KATNIP: variants seen among roughly 807,000 people sequenced by gnomAD.
The protein encoded by KATNIP is katanin-interacting protein.
In KATNIP, 126 loss-of-function variants were observed where a neutral mutation model predicts 174.0. The ratio of observed to expected loss-of-function variants is 0.72; its 90% CI spans 0.63 to 0.84. The LOEUF (loss-of-function observed/expected upper bound fraction) is 0.84, where lower values mean the gene tolerates loss of function less well. Among genes scored for constraint, KATNIP ranks in the 40% least tolerant of loss-of-function variants. KATNIP has a pLI of 0.00. For synonymous variants in KATNIP, 810 were observed against 835.7 expected (o/e 0.97, Z 0.53); for missense variants, 1,958 against 2,109.7 (o/e 0.93, Z 1.41).
intron 18 of KATNIP, chr16:27,755,365 T>A (rs2081680495): frequency 6.6e-6 from 1 of 152,280 alleles, no homozygotes; most frequent in African/African-American, 2.4e-5. Flanking sequence ...TGTCGCTGGC[T>A]AGGTTCCCTA....
At chr16:27,633,515 C>T (rs1439123698) in intron 5 of KATNIP, among the ~76,000 whole-genome samples, 1 of 150,312 alleles carries the variant, frequency 6.7e-6, no homozygotes, top group African/African-American at 2.5e-5. Context: ...TAGTCTTGAA[C>T]TTCTGGCCTC....
chr16:27,712,724 TGC>T (rs2079629851), intron 13 of KATNIP, among the ~76,000 whole-genome samples: 1 of 152,218 alleles, frequency 6.6e-6, no homozygotes. Flanking sequence ...CAGCCCTGCC[TGC>T]CCCTCTGAGT....
chr16:27,681,338 G>C (rs2078330377), intron 7 of KATNIP, 61 bp from the exon 8 acceptor site: 3 of 1,600,510 alleles, frequency 1.9e-6, no homozygotes, highest in East Asian at 4.5e-5. Flanking sequence ...ACAAATGCCT[G>C]AACAGAATGC....
intron 2 of KATNIP, among the ~76,000 whole-genome samples, chr16:27,578,311 C>T (rs1018223970): frequency 2.0e-5 from 3 of 152,042 alleles, no homozygotes; most frequent in Non-Finnish European, 4.4e-5. Flanking sequence ...CCAACCTAGG[C>T]GACAGAGTGA....
intron 12 of KATNIP, chr16:27,708,383 C>T: frequency 4.0e-6 from 1 of 251,134 alleles, no homozygotes; most frequent in African/African-American, 2.2e-5. Context: ...GTACCGAACA[C>T]TGAGTAGTGG....
chr16:27,735,427 G>A (rs2080863021), intron 14 of KATNIP, among the ~76,000 whole-genome samples: 1 of 152,186 alleles, frequency 6.6e-6, no homozygotes, highest in South Asian at 2.1e-4. Context: ...CTCTTTAAAG[G>A]AAGGTGTTTC....
intron 2 of KATNIP, among the ~76,000 whole-genome samples, chr16:27,589,326 A>G (rs2075098874): frequency 6.6e-6 from 1 of 152,212 alleles, no homozygotes; most frequent in African/African-American, 2.4e-5. Context: ...ATCAGGTAAT[A>G]AATACTTCAG....
chr16:27,607,225 A>G (rs2075736281), intron 2 of KATNIP, among the ~76,000 whole-genome samples: 1 of 152,194 alleles, frequency 6.6e-6, no homozygotes. Flanking sequence ...GAGGAAAATC[A>G]AGGTGTTATA....
At chr16:27,721,108 G>A (rs1397607537) in intron 13 of KATNIP, among the ~76,000 whole-genome samples, 6 of 152,156 alleles carry the variant, frequency 3.9e-5, no homozygotes, top group Non-Finnish European at 8.8e-5. Flanking sequence ...TGAGCTAGTA[G>A]CTTTCTTTCT....
intron 6 of KATNIP, among the ~76,000 whole-genome samples, chr16:27,655,677 G>A (rs969757760): frequency 6.6e-6 from 1 of 152,100 alleles, no homozygotes; most frequent in African/African-American, 2.4e-5. Context: ...CCATCACGAC[G>A]TTAACCCTGT....
At chr16:27,651,219 A>G (rs968258116) in intron 6 of KATNIP, among the ~76,000 whole-genome samples, 3 of 152,226 alleles carry the variant, frequency 2.0e-5, no homozygotes, top group Non-Finnish European at 4.4e-5. Flanking sequence ...CCGCATAGGC[A>G]TGGCTGCTGC....
chr16:27,715,165 A>G (rs146576442), intron 13 of KATNIP, among the ~76,000 whole-genome samples: 1 of 152,384 alleles, frequency 6.6e-6, no homozygotes, highest in African/African-American at 2.4e-5. Context: ...GATTCCAACA[A>G]GGATACCACA....
intron 4 of KATNIP, among the ~76,000 whole-genome samples, chr16:27,629,456 T>G (rs958450017): frequency 6.6e-6 from 1 of 152,258 alleles, no homozygotes; most frequent in Non-Finnish European, 1.5e-5. Context: ...GTTTTAACTT[T>G]AGTACCTAAC....
chr16:27,610,912 G>A (rs1351662865), intron 2 of KATNIP, among the ~76,000 whole-genome samples: 1 of 152,174 alleles, frequency 6.6e-6, no homozygotes. Flanking sequence ...TTATCTACCT[G>A]TGACCTGGAA....
chr16:27,671,283 A>G (rs1041925334), intron 6 of KATNIP, among the ~76,000 whole-genome samples: 1 of 152,216 alleles, frequency 6.6e-6, no homozygotes, highest in Non-Finnish European at 1.5e-5. Context: ...GAAATTAACA[A>G]TGATTTTAAA....
Position 27,766,394 on chromosome 16 carries a change from A to T in KATNIP, c.3895A>T (p.Ile1299Phe). 6.2e-7 allele frequency: 1 copy of T among 1,614,134 alleles called. No individual in the cohort carries two copies. Among genetic ancestry groups the T allele is most frequent in the Non-Finnish European group, 8.5e-7 (1 of 1,180,030 alleles). Residue 1299 changes from isoleucine to phenylalanine, a missense_variant, in exon 20 of 28, where the codon ATC becomes TTC. Transcript: ENST00000261588. Reference sequence around the variant, plus strand: ...GCCGGGGCTGGACCATGTGGTCACGATCCGCCTGGACAGGGCCGAAAGCAT... The same window carrying T: ...GCCGGGGCTGGACCATGTGGTCACGTTCCGCCTGGACAGGGCCGAAAGCAT... ...FSPGLDHVVT[I>F]RLDRAESIAG...
At chr16:27,633,651 A>C (rs1287032258) in intron 5 of KATNIP, among the ~76,000 whole-genome samples, 1 of 152,064 alleles carries the variant, frequency 6.6e-6, no homozygotes, top group Non-Finnish European at 1.5e-5. Context: ...ATACGATTTC[A>C]CACTGTACTA....
chr16:27,695,899 A>G (rs1228762322), intron 8 of KATNIP, among the ~76,000 whole-genome samples: 1 of 152,150 alleles, frequency 6.6e-6, no homozygotes, highest in Non-Finnish European at 1.5e-5. Context: ...TTTACAGGCA[A>G]TTTCATCTCG....
chr16:27,599,785 G>A (rs2075454405), intron 2 of KATNIP, among the ~76,000 whole-genome samples: 1 of 152,180 alleles, frequency 6.6e-6, no homozygotes, highest in Non-Finnish European at 1.5e-5. Flanking sequence ...GGAGTCTCAG[G>A]GCAGAACTCC....
Sources: gnomAD v4.1 joint callset for allele counts (sites outside exome capture counted in the v4.1 genomes callset) on GRCh38, gnomAD v4.1.1 for gene constraint, MANE v1.5 for transcripts, NCBI Gene and HGNC (gene_info 2026-07-23, HGNC 2026-07-21) for gene names.